The following PTBP2 variants were observed in gnomAD, a reference collection of about 807,000 sequenced individuals.
PTBP2 encodes the protein polypyrimidine tract-binding protein 2.
PTBP2 carries 13 observed loss-of-function variants against 61.4 expected under a neutral mutation model. The ratio of observed to expected loss-of-function variants is 0.21; its 90% confidence interval spans 0.14 to 0.34. The LOEUF is 0.34. Ranked by LOEUF, PTBP2 falls within the 10% of genes least tolerant of loss-of-function variation. The pLI is 1.00. For missense variants in PTBP2, 405 were observed against 642.6 expected (o/e 0.63, Z 4.00); for synonymous variants, 215 against 218.5 (o/e 0.98, Z 0.14).
intron 1 of PTBP2, 46 bp from the exon 2 acceptor site, chr1:96,723,518 T>G: frequency 6.5e-7 from 1 of 1,532,958 alleles, no homozygotes; most frequent in Non-Finnish European, 8.9e-7. Flanking sequence ...GAGTGAGTGA[T>G]TAGAAGAATA....
chr1:96,773,563 T>C (rs1279838350), intron 5 of PTBP2, among the ~76,000 whole-genome samples: 1 of 152,214 alleles, frequency 6.6e-6, no homozygotes, highest in East Asian at 1.9e-4. Context: ...TTAGATTTTG[T>C]TAAAGTTGTA....
At chr1:96,797,152 A>G (rs931217859) in intron 8 of PTBP2, among the ~76,000 whole-genome samples, 3 of 150,986 alleles carry the variant, frequency 2.0e-5, no homozygotes, top group Admixed American at 6.6e-5. Flanking sequence ...ATTGGGTGGC[A>G]TTGACATCGG....
intron 2 of PTBP2, among the ~76,000 whole-genome samples, chr1:96,729,619 C>T (rs1651096981): frequency 6.6e-6 from 1 of 151,830 alleles, no homozygotes; most frequent in Non-Finnish European, 1.5e-5. Flanking sequence ...TAGGGCTATT[C>T]AGTTTGTTTA....
chr1:96,756,881 C>T (rs564093614), intron 3 of PTBP2, among the ~76,000 whole-genome samples: 13 of 152,212 alleles, frequency 8.5e-5, no homozygotes, highest in Non-Finnish European at 1.5e-4. Flanking sequence ...TTTTTCCAAA[C>T]CCATAGAATG....
intron 8 of PTBP2, among the ~76,000 whole-genome samples, chr1:96,802,160 G>A (rs1236766268): frequency 7.5e-6 from 1 of 133,572 alleles, no homozygotes. Context: ...GCAGTGAGCC[G>A]AGATCACGCC....
At chr1:96,777,998 G>GA (rs1658219454) in intron 7 of PTBP2, 52 bp downstream of exon 7, 1 of 953,272 alleles carries the variant, frequency 1.0e-6, no homozygotes, top group Non-Finnish European at 1.6e-6. Context: ...TGTATATGTA[G>GA]AAAAATATAT....
chr1:96,766,283 G>A (rs999809448), intron 3 of PTBP2, among the ~76,000 whole-genome samples: 16 of 152,186 alleles, frequency 1.1e-4, no homozygotes, highest in Admixed American at 1.0e-3. Context: ...TGTGCTTAAA[G>A]ATTTTTTACA....
intron 8 of PTBP2, among the ~76,000 whole-genome samples, chr1:96,787,512 CTTCT>C (rs1659342545): frequency 6.6e-6 from 1 of 151,596 alleles, no homozygotes. Flanking sequence ...TCCTAAGTGA[CTTCT>C]TTTTTTTATC....
Position 96,810,820 on chromosome 1 carries a change from G to A in PTBP2, c.1172-1892G>A, listed in dbSNP as rs971593497. On this transcript the variant is annotated intron_variant, in intron 11 of 13. Transcript: ENST00000674951. ...AACTTTAAAATTTTATAATTCAGTG[G>A]GTTTTATTGTAAAAGGATTTTATGT... Among the ~76,000 whole-genome samples the A allele has an allele frequency of 1.2e-4, 19 of 152,146 alleles. No individual in the cohort carries two copies. In the South Asian group the frequency reaches 3.9e-3, roughly 32 times the overall value.
At chr1:96,744,334 T>G (rs1653459339) in intron 2 of PTBP2, among the ~76,000 whole-genome samples, 2 of 152,170 alleles carry the variant, frequency 1.3e-5, no homozygotes, top group Non-Finnish European at 2.9e-5. Flanking sequence ...ATTTTTTAAT[T>G]TTCTCAGTTA....
At chr1:96,744,829 A>C (rs1462889324) in intron 2 of PTBP2, among the ~76,000 whole-genome samples, 1 of 152,136 alleles carries the variant, frequency 6.6e-6, no homozygotes, top group Non-Finnish European at 1.5e-5. Flanking sequence ...ATACTTACTA[A>C]ATTATGATAA....
intron 8 of PTBP2, among the ~76,000 whole-genome samples, chr1:96,793,325 G>A (rs1660043234): frequency 6.6e-6 from 1 of 152,074 alleles, no homozygotes; most frequent in African/African-American, 2.4e-5. Context: ...AACATTGGAA[G>A]AGCTAAAGTA....
intron 3 of PTBP2, among the ~76,000 whole-genome samples, chr1:96,768,154 TCA>T (rs929305496): frequency 1.2e-4 from 18 of 152,046 alleles, no homozygotes; most frequent in African/African-American, 3.9e-4. Context: ...CTGTTTTACC[TCA>T]CAGCATATAC....
At chr1:96,799,995 T>C (rs1660809068) in intron 8 of PTBP2, among the ~76,000 whole-genome samples, 1 of 152,194 alleles carries the variant, frequency 6.6e-6, no homozygotes, top group African/African-American at 2.4e-5. Flanking sequence ...GGTGTAAAGA[T>C]AGCCTAAGTA....
intron 7 of PTBP2, among the ~76,000 whole-genome samples, chr1:96,781,921 A>G (rs534502549): frequency 6.6e-6 from 1 of 152,148 alleles, no homozygotes; most frequent in South Asian, 2.1e-4. Context: ...AAAGTAGTGT[A>G]TTAGGCAAAG....
chr1:96,799,691 A>G (rs1460698563), intron 8 of PTBP2, among the ~76,000 whole-genome samples: 1 of 152,160 alleles, frequency 6.6e-6, no homozygotes, highest in Non-Finnish European at 1.5e-5. Context: ...AATATGTGTA[A>G]TATGCTTTCT....
chr1:96,773,792 G>C (rs537568527), intron 5 of PTBP2, among the ~76,000 whole-genome samples: 7 of 151,436 alleles, frequency 4.6e-5, no homozygotes, highest in African/African-American at 1.7e-4. Context: ...GTGAAACCCC[G>C]TCTGTACTAA....
At chr1:96,778,329 G>T (rs1256153227) in intron 7 of PTBP2, among the ~76,000 whole-genome samples, 3 of 151,684 alleles carry the variant, frequency 2.0e-5, no homozygotes, top group Non-Finnish European at 4.4e-5. Flanking sequence ...TACAGATGTG[G>T]CTCAAATGCT....
intron 2 of PTBP2, among the ~76,000 whole-genome samples, chr1:96,724,137 T>A (rs936157493): frequency 2.6e-5 from 4 of 152,230 alleles, no homozygotes; most frequent in Admixed American, 1.3e-4. Context: ...AGAGATCCTT[T>A]GGAATCCTTC....
Sources: allele counts gnomAD v4.1 joint callset (sites outside exome capture counted in the v4.1 genomes callset), GRCh38; gene constraint gnomAD v4.1.1; transcripts MANE v1.5; gene names NCBI Gene and HGNC (gene_info 2026-07-23, HGNC 2026-07-21).